The following LINGO1 variants were observed in gnomAD, a reference collection of about 807,000 sequenced individuals.
The protein encoded by LINGO1 is leucine-rich repeat and immunoglobulin-like domain-containing nogo receptor-interacting protein 1.
A neutral mutation model predicts 37.3 loss-of-function variants in LINGO1; 11 were observed. The observed-to-expected ratio is 0.29, with a 90% CI of 0.19 to 0.49. The LOEUF is 0.49. Ranked by LOEUF, LINGO1 falls within the 20% of genes least tolerant of loss-of-function variation. The pLI is 0.99. For synonymous variants in LINGO1, 387 were observed against 403.0 expected (o/e 0.96, Z 0.48); for missense variants, 585 against 878.2 (o/e 0.67, Z 4.22).
chr15:77,672,644 G>A (rs895329997), intron 3 of LINGO1, among the ~76,000 whole-genome samples: 8 of 152,126 alleles, frequency 5.3e-5, no homozygotes, highest in African/African-American at 1.7e-4. Flanking sequence ...CCTGTGAGGC[G>A]ATGACCCTGG....
intron 1 of LINGO1, among the ~76,000 whole-genome samples, chr15:77,616,291 T>A (rs8027905): frequency 5.9e-5 from 9 of 152,036 alleles, no homozygotes; most frequent in Non-Finnish European, 1.0e-4. Flanking sequence ...GCTGAGCCGC[T>A]CTTGGGCTCA....
In LINGO1 at chr15:77,613,168, C is replaced by T. The variant is rs1018957665; in HGVS notation, c.*876G>A. 1.2e-4 allele frequency: 18 copies of T among 152,296 alleles called. No individual in the cohort carries two copies. Among genetic ancestry groups the T allele is most frequent in the East Asian group, 1.9e-4 (1 of 5,198 alleles). 9.4% of individuals were successfully genotyped at this position (152,296 alleles called of 1,614,324 possible). A position where few individuals can be genotyped will look rare whatever the true frequency, so the allele number is the denominator to read the frequency against. On this transcript the variant is annotated 3_prime_UTR_variant, in exon 2 of 2. Coordinates refer to ENST00000355300, the MANE Select transcript of LINGO1 (RefSeq NM_032808.7). Reference sequence around the variant, plus strand: ...ATGTGGAGACTGAGGCCCAGAGAGGCCAGTGACCTGCTTGAGGCCACACAG... The same window carrying T: ...ATGTGGAGACTGAGGCCCAGAGAGGTCAGTGACCTGCTTGAGGCCACACAG...
intron 2 of LINGO1, among the ~76,000 whole-genome samples, chr15:77,795,027 A>C (rs2076861860): frequency 6.6e-6 from 1 of 152,118 alleles, no homozygotes; most frequent in African/African-American, 2.4e-5. Flanking sequence ...GCCTGCCACC[A>C]GGCTTCTTCA....
intron 1 of LINGO1, among the ~76,000 whole-genome samples, chr15:77,797,496 G>A (rs541223970): frequency 1.3e-5 from 2 of 152,328 alleles, no homozygotes; most frequent in African/African-American, 4.8e-5. Flanking sequence ...ACCTTCAAAC[G>A]AAAGTCCACA....
chr15:77,707,517 C>G (rs11072664), intron 2 of LINGO1: 58,763 of 152,164 alleles, frequency 0.39, 11,721 homozygotes, highest in Admixed American at 0.51. Flanking sequence ...CAGGTCAGAA[C>G]TGGGGCACCA....
At chr15:77,757,891 G>A (rs1015513095) in intron 1 of LINGO1, among the ~76,000 whole-genome samples, 30 of 152,222 alleles carry the variant, frequency 2.0e-4, no homozygotes, top group Non-Finnish European at 4.0e-4. Context: ...GCCCAGACCT[G>A]CTCGTTAATC....
chr15:77,803,867 C>T (rs11072675), intron 1 of LINGO1, among the ~76,000 whole-genome samples: 144,187 of 152,260 alleles, frequency 0.95, 68,329 homozygotes, highest in Admixed American at 0.96. Flanking sequence ...CTCTTTTCTT[C>T]ATAAATTACC....
At chr15:77,777,470 C>CGT (rs1567578730) in intron 1 of LINGO1, among the ~76,000 whole-genome samples, 37 of 28,670 alleles carry the variant, frequency 1.3e-3, no homozygotes, top group Non-Finnish European at 4.3e-4. Context: ...CACACGCACA[C>CGT]ACACACACAC....
chr15:77,633,055 G>A (rs2074315353), upstream of LINGO1, among the ~76,000 whole-genome samples: 1 of 151,794 alleles, frequency 6.6e-6, no homozygotes, highest in Non-Finnish European at 1.5e-5. Context: ...CCTTTCAGCG[G>A]AGGGGGCGGA....
intron 1 of LINGO1, among the ~76,000 whole-genome samples, chr15:77,759,194 C>T (rs1402150714): frequency 6.6e-6 from 1 of 152,216 alleles, no homozygotes; most frequent in African/African-American, 2.4e-5. Flanking sequence ...CACATGCATA[C>T]CCACACACTA....
chr15:77,710,492 C>T lies in LINGO1; in HGVS notation c.-194-19591G>A, dbSNP rs144506543. On this transcript the variant is annotated intron_variant, in intron 2 of 3. Coordinates refer to the LINGO1 transcript ENST00000561686. ...ATGAGGTTTACAGAGCTCAGTTTCA[C>T]GGTGTGGCAGGCTGCCTCTGTTCTC... Among the ~76,000 whole-genome samples, 732 of 152,358 alleles carry T rather than the reference C, an allele frequency of 4.8e-3. 7 individuals are homozygous for T. Among genetic ancestry groups the T allele is most frequent in the Non-Finnish European group, 7.7e-3 (526 of 68,034 alleles).
At chr15:77,797,896 G>T (rs1339646735) in intron 1 of LINGO1, among the ~76,000 whole-genome samples, 1 of 152,246 alleles carries the variant, frequency 6.6e-6, no homozygotes, top group African/African-American at 2.4e-5. Flanking sequence ...TAGCCGCGTG[G>T]TAGGTGAAGA....
intron 2 of LINGO1, among the ~76,000 whole-genome samples, chr15:77,795,002 G>A (rs1301355284): frequency 1.3e-5 from 2 of 152,156 alleles, no homozygotes; most frequent in Admixed American, 6.5e-5. Context: ...TATCCCTCAG[G>A]AGAAGGGAGT....
At position 77,615,135 on chromosome 15, in the gene LINGO1, T is replaced by C; in HGVS notation, c.772A>G (p.Asn258Asp). ...GTCAGGTTGAGGCCGTAGAGGCAGT[T>C]GGGTGTCATGGTGTCCAAGTAGGGC... is the stretch of plus-strand genomic sequence containing the variant. ...HWPYLDTMTP[N>D]CLYGLNLTSL... is the part of the protein sequence containing the mutation. The change falls in exon 2 of 2, where the codon AAC becomes GAC. Residue 258 changes from asparagine to aspartate, a missense_variant. Asn to Asp is a conservative substitution (Grantham distance 23, BLOSUM62 1). Coordinates refer to ENST00000355300, the MANE Select transcript of LINGO1 (RefSeq NM_032808.7). 6 of 1,613,904 alleles carry C rather than the reference T, an allele frequency of 3.7e-6. No individual in the cohort carries two copies. The highest frequency in any genetic ancestry group is 5.1e-6 in the Non-Finnish European group (6 of 1,179,874).
chr15:77,817,499 G>C (rs937155397), intron 1 of LINGO1, among the ~76,000 whole-genome samples: 2 of 152,172 alleles, frequency 1.3e-5, no homozygotes. Flanking sequence ...TCCCAGAGCT[G>C]TGCAGAGGAT....
At chr15:77,797,758 T>C (rs546452508) in intron 1 of LINGO1, among the ~76,000 whole-genome samples, 2 of 152,230 alleles carry the variant, frequency 1.3e-5, no homozygotes, top group Admixed American at 1.3e-4. Flanking sequence ...CCAGATGGGA[T>C]AGATGGAAGG....
In LINGO1 at chr15:77,746,760, A is replaced by G. The variant is rs370017501; in HGVS notation, c.-256-11707T>C. Among the ~76,000 whole-genome samples the G allele has an allele frequency of 3.9e-4, 60 of 152,320 alleles. No individual in the cohort carries two copies. The South Asian group carries it at 0.012, about 30-fold the overall frequency. Reference sequence around the variant, plus strand: ...AAATAAATCCAGAGGCTCATGTGCCAGGTGAACTGGGGGGTGTATCCATCT... The same window carrying G: ...AAATAAATCCAGAGGCTCATGTGCCGGGTGAACTGGGGGGTGTATCCATCT... On this transcript the variant is annotated intron_variant, in intron 1 of 3. Coordinates refer to the LINGO1 transcript ENST00000561686.
chr15:77,701,128 A>T (rs1191029072), upstream of LINGO1, among the ~76,000 whole-genome samples: 2 of 152,228 alleles, frequency 1.3e-5, no homozygotes, highest in Non-Finnish European at 2.9e-5. Flanking sequence ...AGGGGAAATG[A>T]CAGAGCTGGG....
intron 3 of LINGO1, chr15:77,649,045 G>GGGTCCT (rs2074700342): frequency 6.6e-6 from 1 of 152,204 alleles, no homozygotes; most frequent in African/African-American, 2.4e-5. Context: ...CAAACATAGG[G>GGGTCCT]AAGTGCCTTT....
Sources: allele counts gnomAD v4.1 joint callset (sites outside exome capture counted in the v4.1 genomes callset), GRCh38; gene constraint gnomAD v4.1.1; transcripts MANE v1.5; gene names NCBI Gene and HGNC (gene_info 2026-07-23, HGNC 2026-07-21).